The following USP46 variants were observed in gnomAD, a reference collection of about 807,000 sequenced individuals.
USP46 encodes ubiquitin specific peptidase 46.
In USP46, 12 loss-of-function variants were observed where a neutral mutation model predicts 44.4. That is an observed-to-expected ratio of 0.27 (90% CI 0.17 to 0.44). USP46 has a LOEUF of 0.44. USP46 is among the 20% of genes least tolerant of loss of function. USP46 has a pLI of 1.00. For synonymous variants in USP46, 155 were observed against 161.5 expected (o/e 0.96, Z 0.31); for missense variants, 248 against 444.8 (o/e 0.56, Z 3.98).
chr4:52,631,128 G>A lies in USP46; in HGVS notation c.53C>T (p.Ala18Val). 1 of 1,562,198 alleles carries A rather than the reference G, an allele frequency of 6.4e-7. No individual in the cohort carries two copies. The highest frequency in any genetic ancestry group is 8.7e-7 in the Non-Finnish European group (1 of 1,151,376). ...CTCTGGACCAATGTCTTTTTCCAGA[G>A]CAGAGGCATTGGTGCCCTAAAAGAG... ...SICNMGTNAS[A>V]LEKDIGPEQF... is the part of the protein sequence containing the mutation. Residue 18 changes from alanine to valine, a missense_variant, in exon 2 of 9, where the codon GCT (alanine) becomes GTT (valine). Ala to Val is a moderately conservative substitution (Grantham distance 64, BLOSUM62 0). Coordinates refer to ENST00000441222, the MANE Select transcript of USP46 (RefSeq NM_022832.4).
intron 1 of USP46, among the ~76,000 whole-genome samples, chr4:52,650,608 T>C (rs570787330): frequency 6.6e-6 from 1 of 152,358 alleles, no homozygotes; most frequent in African/African-American, 2.4e-5. Context: ...TTTTAATATC[T>C]GTTAAATCTG....
At chr4:52,629,647 C>T (rs1385099546) in intron 2 of USP46, 1 of 456,300 alleles carries the variant, frequency 2.2e-6, no homozygotes, top group South Asian at 1.5e-5. Flanking sequence ...TCCCCAGACA[C>T]CCTTCAGTAA....
In USP46 at chr4:52,626,372, G is replaced by A. The variant is rs1190606637; in HGVS notation, c.332-125C>T. ...GGAGTCTCGCTGTGTCGCCAGGCTA[G>A]AGCGTAGTGGCATGATCTCAGTTCA... On this transcript the variant is annotated intron_variant, in intron 3 of 8. Transcript: ENST00000441222. 3.9e-6 allele frequency: 3 copies of A among 767,682 alleles called. No individual in the cohort carries two copies. The Admixed American group carries it at 8.9e-5, about 23-fold the overall frequency. 47.6% of individuals were successfully genotyped at this position (767,682 alleles called of 1,614,324 possible).
At chr4:52,609,773 C>T (rs13144443) in intron 5 of USP46, among the ~76,000 whole-genome samples, 45 of 151,686 alleles carry the variant, frequency 3.0e-4, no homozygotes, top group Admixed American at 9.2e-4. Context: ...CTACTTCATA[C>T]TCACCCACCC....
rs906788878 is a variant in USP46, at chr4:52,594,179, A to G, written c.*3461T>C. 1.3e-5 allele frequency: 2 copies of G among 152,200 alleles called. No homozygotes were observed. The highest frequency in any genetic ancestry group is 4.8e-5 in the African/African-American group (2 of 41,458). 9.4% of individuals were successfully genotyped at this position (152,200 alleles called of 1,614,324 possible). On this transcript the variant is annotated 3_prime_UTR_variant, in exon 9 of 9. Transcript: ENST00000441222. ...ATAATTCTCTAGAAAGAGAATTCCC[A>G]TTTTATTCATTTATTTATTTTTTGC... is the stretch of plus-strand genomic sequence containing the variant.
chr4:52,646,933 G>A (rs755209973), intron 1 of USP46, among the ~76,000 whole-genome samples: 1 of 152,180 alleles, frequency 6.6e-6, no homozygotes, highest in Admixed American at 6.5e-5. Context: ...TGCTGATGGA[G>A]GGCAATTTGG....
Position 52,625,984 on chromosome 4 carries a change from A to G in USP46, c.561+34T>C, listed in dbSNP as rs79699955. On this transcript the variant is annotated intron_variant, in intron 4 of 8. Transcript: ENST00000441222. ...CAACATAGCGTACATAAATATGAAC[A>G]TGCGAGCTACATAAGAGCTCCCCTA... 3.3e-3 allele frequency: 5,193 copies of G among 1,582,088 alleles called. 106 individuals are homozygous for G. The African/African-American group carries it at 0.054, about 17-fold the overall frequency.
At chr4:52,620,845 T>C (rs541415330) in intron 4 of USP46, among the ~76,000 whole-genome samples, 37 of 152,374 alleles carry the variant, frequency 2.4e-4, no homozygotes, top group African/African-American at 7.7e-4. Context: ...ATTGTTCATA[T>C]TGCCCCAAAC....
chr4:52,650,376 T>C (rs573388632), intron 1 of USP46, among the ~76,000 whole-genome samples: 11 of 152,364 alleles, frequency 7.2e-5, no homozygotes, highest in Admixed American at 3.9e-4. Context: ...CACACAAACG[T>C]TGCAATCCAT....
Position 52,601,913 on chromosome 4 carries a change from A to G in USP46, c.864T>C (p.Asp288=). ...CATACATGCGGTCCAGGTTCACTGC[A>G]TCACTGGAGGTGTTGAAGAGCCGGA... ...LELRLFNTSS[D]AVNLDRMYDL... The change falls in exon 7 of 9, where the codon GAT becomes GAC. Residue 288 remains aspartate, a synonymous_variant. Transcript: ENST00000441222. 6.2e-7 allele frequency: 1 copy of G among 1,613,982 alleles called. No homozygotes were observed. The highest frequency in any genetic ancestry group is 1.3e-5 in the African/African-American group (1 of 75,038).
At position 52,596,745 on chromosome 4, in the gene USP46, G is replaced by T. The variant is rs1716260130; in HGVS notation, c.*895C>A. The T allele has an allele frequency of 6.6e-6, 1 of 152,598 alleles. No individual in the cohort carries two copies. The highest frequency in any genetic ancestry group is 2.1e-4 in the South Asian group (1 of 4,828). The allele number at this position is 152,598 out of a possible 1,614,324, so 9.5% of individuals were successfully genotyped here. On this transcript the variant is annotated 3_prime_UTR_variant, in exon 9 of 9. Transcript: ENST00000441222. ...TGCCGTGCTGACTGGCTAAGGGGAG[G>T]TTTGCCAGCCCTGCAGCCATTGACT...
At chr4:52,598,820 G>A (rs779535213) in intron 7 of USP46, 114 bp from the exon 8 acceptor site, 48 of 969,294 alleles carry the variant, frequency 5.0e-5, no homozygotes, top group Non-Finnish European at 6.5e-5. Flanking sequence ...TGTCATCAGC[G>A]TAAAGAACTT....
intron 1 of USP46, chr4:52,656,233 G>T: frequency 1.3e-6 from 2 of 1,510,874 alleles, no homozygotes; most frequent in Admixed American, 3.9e-5. Context: ...TTAGGAGCGG[G>T]AAGGGTCAGT....
At chr4:52,629,526 A>C in intron 2 of USP46, 1 of 451,430 alleles carries the variant, frequency 2.2e-6, no homozygotes, top group South Asian at 1.6e-5. Context: ...AAAATGGCTA[A>C]AAAGTTTGTT....
At chr4:52,602,176 C>G in intron 6 of USP46, 122 bp from the exon 7 acceptor site, 1 of 1,105,692 alleles carries the variant, frequency 9.0e-7, no homozygotes, top group East Asian at 2.4e-5. Context: ...AGCAAACAAC[C>G]AAACAGTTTG....
In USP46 at chr4:52,631,093, T is replaced by C. The variant is rs376916832; in HGVS notation, c.88A>G (p.Ile30Val). The C allele has an allele frequency of 4.9e-5, 77 of 1,568,014 alleles. No homozygotes were observed. The highest frequency in any genetic ancestry group is 6.0e-5 in the Non-Finnish European group (69 of 1,154,562). The change falls in exon 2 of 9, where the codon ATC (isoleucine) becomes GTC (valine). Residue 30 changes from isoleucine to valine, a missense_variant. Physicochemically the swap from Ile to Val is conservative, Grantham distance 29. Transcript: ENST00000441222. ...ACCAATCCGAAATAGTGTTCATTGA[T>C]TGGAAACTGCTCTGGACCAATGTCT... ...EKDIGPEQFP[I>V]NEHYFGLVNF... is the part of the protein sequence containing the mutation.
intron 1 of USP46, among the ~76,000 whole-genome samples, chr4:52,643,655 C>T (rs114565223): frequency 0.017 from 2,516 of 152,306 alleles, 66 homozygotes; most frequent in African/African-American, 0.056. Flanking sequence ...GATAAATTTG[C>T]TCACTGAATA....
chr4:52,628,448 AC>A (rs1717682159), intron 2 of USP46: 1 of 300,384 alleles, frequency 3.3e-6, no homozygotes. Context: ...GTCTAACGAG[AC>A]CTGCTGGTGC....
rs762240066 is a variant in USP46 at position 52,628,066 on chromosome 4, T to C, written c.215A>G (p.Lys72Arg). ...CAGGCACGTCAGCAAGTTTTCCTTC[T>C]TCTTTTGCTGGGCCTTGTATGCCAA... ...NVLAYKAQQKKKENLLTCLAD... is the reference protein window; with the variant it reads ...NVLAYKAQQKRKENLLTCLAD... The change falls in exon 3 of 9, where the codon AAG becomes AGG. Residue 72 changes from lysine to arginine, a missense_variant. Physicochemically the swap from Lys to Arg is conservative, Grantham distance 26. Around this residue, in one of 5 missense-constraint regions of USP46, gnomAD observed 54 missense variants for 135.0 expected, o/e 0.40. Coordinates refer to ENST00000441222, the MANE Select transcript of USP46 (RefSeq NM_022832.4). 6.2e-6 allele frequency: 10 copies of C among 1,613,876 alleles called. No homozygotes were observed. In the African/African-American group the frequency reaches 1.2e-4, roughly 19 times the overall value.
Sources: allele counts gnomAD v4.1 joint callset (sites outside exome capture counted in the v4.1 genomes callset), GRCh38; gene constraint gnomAD v4.1.1; regional missense constraint gnomAD v4.1.1; transcripts MANE v1.5; gene names NCBI Gene and HGNC (gene_info 2026-07-23, HGNC 2026-07-21).